Variants in EGFR observed in about 807,000 individuals in gnomAD.
EGFR encodes the protein avian erythroblastic leukemia viral (v-erb-b) oncogene homolog.
EGFR carries 58 observed loss-of-function variants against 143.0 expected under a neutral mutation model. That is an observed-to-expected ratio of 0.41 (90% CI 0.33 to 0.50). The LOEUF (loss-of-function observed/expected upper bound fraction) is 0.50. Ranked by LOEUF, EGFR falls within the 20% of genes least tolerant of loss-of-function variation. The pLI, the probability that EGFR is intolerant of heterozygous loss-of-function variation, is 0.39. For synonymous variants in EGFR, 613 were observed against 594.4 expected, an observed-to-expected ratio of 1.03 and a Z score of -0.45; for missense variants, 1,307 against 1,579.0, an observed-to-expected ratio of 0.83 and a Z score of 2.92.
intron 1 of EGFR, among the ~76,000 whole-genome samples, chr7:55,116,901 C>T (rs1460440164): frequency 6.6e-6 from 1 of 152,160 alleles, no homozygotes; most frequent in Non-Finnish European, 1.5e-5. Flanking sequence ...TCCATTCTAC[C>T]GCCAATGGAC....
intron 12 of EGFR, 80 bp from the exon 13 acceptor site, chr7:55,161,419 T>G: frequency 6.5e-7 from 1 of 1,536,126 alleles, no homozygotes; most frequent in Non-Finnish European, 8.7e-7. Flanking sequence ...ACAGGGCCCC[T>G]CCCGGGAAGG....
chr7:55,080,755 A>G (rs1439717010), intron 1 of EGFR, among the ~76,000 whole-genome samples: 1 of 152,246 alleles, frequency 6.6e-6, no homozygotes, highest in African/African-American at 2.4e-5. Context: ...TGATGTAGCC[A>G]TTCCACAATG....
intron 1 of EGFR, among the ~76,000 whole-genome samples, chr7:55,085,478 C>T (rs1354543517): frequency 3.9e-5 from 6 of 152,156 alleles, no homozygotes; most frequent in Admixed American, 6.5e-5. Flanking sequence ...TTGTAGAGCC[C>T]GTTCCGTTGT....
intron 1 of EGFR, among the ~76,000 whole-genome samples, chr7:55,094,369 G>A (rs888666104): frequency 6.6e-6 from 1 of 152,200 alleles, no homozygotes; most frequent in South Asian, 2.1e-4. Flanking sequence ...GGGGCAGGGG[G>A]GGCCTCACTG....
At chr7:55,104,432 C>G (rs151215898) in intron 1 of EGFR, among the ~76,000 whole-genome samples, 1,957 of 152,282 alleles carry the variant, frequency 0.013, 77 homozygotes, top group Admixed American at 0.074. Context: ...GGTTTCAGTC[C>G]TGCCCTAGCT....
At chr7:55,143,172 A>G (rs774627181) in intron 2 of EGFR, 133 bp from the exon 3 acceptor site, 3 of 848,086 alleles carry the variant, frequency 3.5e-6, no homozygotes, top group African/African-American at 1.7e-5. Flanking sequence ...TCGTCTACCT[A>G]TTTTACAGTT....
intron 1 of EGFR, among the ~76,000 whole-genome samples, chr7:55,033,292 TGTG>T (rs1787368413): frequency 6.6e-6 from 1 of 152,050 alleles, no homozygotes; most frequent in Non-Finnish European, 1.5e-5. Flanking sequence ...AGACCTGCCT[TGTG>T]GTGTTTTTTG....
intron 1 of EGFR, chr7:55,109,666 TA>T: frequency 1.1e-6 from 1 of 925,230 alleles, no homozygotes; most frequent in Non-Finnish European, 1.3e-6. Context: ...AATTTGCTCT[TA>T]AAGGGATATC....
At chr7:55,115,719 T>C (rs1472423626) in intron 1 of EGFR, among the ~76,000 whole-genome samples, 1 of 152,160 alleles carries the variant, frequency 6.6e-6, no homozygotes, top group African/African-American at 2.4e-5. Flanking sequence ...AGATAGCACC[T>C]GGAGCTTCCT....
At chr7:55,054,601 G>A (rs1788680323) in intron 1 of EGFR, among the ~76,000 whole-genome samples, 1 of 152,212 alleles carries the variant, frequency 6.6e-6, no homozygotes, top group African/African-American at 2.4e-5. Flanking sequence ...AATTCAGAAT[G>A]TTCATTAAAC....
At chr7:55,127,926 C>T (rs573922168) in intron 1 of EGFR, among the ~76,000 whole-genome samples, 2 of 152,348 alleles carry the variant, frequency 1.3e-5, no homozygotes, top group South Asian at 4.1e-4. Flanking sequence ...CATGGTAGGG[C>T]CTTGCGGGAG....
At chr7:55,143,035 C>A (rs1794552194) in intron 2 of EGFR, among the ~76,000 whole-genome samples, 1 of 152,160 alleles carries the variant, frequency 6.6e-6, no homozygotes, top group South Asian at 2.1e-4. Flanking sequence ...AGTGTTGAAC[C>A]CCGTGAGGCA....
chr7:55,186,821 C>T (rs1031081589), intron 20 of EGFR, among the ~76,000 whole-genome samples: 1 of 152,188 alleles, frequency 6.6e-6, no homozygotes, highest in Admixed American at 6.5e-5. Context: ...CAGGTCAGAG[C>T]AGGAGGCGCA....
intron 1 of EGFR, among the ~76,000 whole-genome samples, chr7:55,073,591 A>T (rs1408191850): frequency 6.6e-6 from 1 of 152,240 alleles, no homozygotes; most frequent in Non-Finnish European, 1.5e-5. Flanking sequence ...GTGTTAACTT[A>T]ATTTGGAATT....
intron 1 of EGFR, among the ~76,000 whole-genome samples, chr7:55,093,261 C>T (rs1791236626): frequency 1.3e-5 from 2 of 152,198 alleles, no homozygotes; most frequent in South Asian, 2.1e-4. Flanking sequence ...ATAGATACTG[C>T]CTTCCATGTT....
At chr7:55,123,185 C>A (rs147942584) in intron 1 of EGFR, among the ~76,000 whole-genome samples, 29 of 152,238 alleles carry the variant, frequency 1.9e-4, no homozygotes, top group African/African-American at 6.0e-4. Context: ...TTAAATATCA[C>A]GTCTGGGGGA....
intron 27 of EGFR, among the ~76,000 whole-genome samples, chr7:55,203,575 T>TACAC (rs199603829): frequency 1 from 147,072 of 147,640 alleles, 73,252 homozygotes; most frequent in Admixed American, 1. Context: ...CACACACACA[T>TACAC]ACGCCACACA....
intron 1 of EGFR, among the ~76,000 whole-genome samples, chr7:55,114,379 A>T (rs1389829784): frequency 1.3e-5 from 2 of 152,156 alleles, no homozygotes; most frequent in Non-Finnish European, 2.9e-5. Flanking sequence ...CCAGCTACTC[A>T]GGAAGCTGAG....
rs1256121591 is a variant in EGFR at position 55,206,140 on chromosome 7, C to T, written c.*523C>T. 2 of 293,780 alleles carry T rather than the reference C, an allele frequency of 6.8e-6. No individual in the cohort carries two copies. Among genetic ancestry groups the T allele is most frequent in the Non-Finnish European group, 1.3e-5 (2 of 156,786 alleles). The allele number at this position is 293,780 out of a possible 1,614,324, so 18.2% of individuals were successfully genotyped here. A position where few individuals can be genotyped will look rare whatever the true frequency, so the allele number is the denominator to read the frequency against. ...GCTTCCACTGCAAAACACTAAAGAT[C>T]CAAGAAGGCCTTCATGGCCCCAGCA... On this transcript the variant is annotated 3_prime_UTR_variant, in exon 28 of 28. Coordinates refer to ENST00000275493, the MANE Select transcript of EGFR (RefSeq NM_005228.5).
Sources: allele counts gnomAD v4.1 joint callset (sites outside exome capture counted in the v4.1 genomes callset), GRCh38; gene constraint gnomAD v4.1.1; transcripts MANE v1.5; gene names NCBI Gene and HGNC (gene_info 2026-07-23, HGNC 2026-07-21).